Variants in UBE2H observed in about 807,000 individuals in gnomAD.
UBE2H encodes the protein ubiquitin conjugating enzyme E2 H, also known as ubiquitin-conjugating enzyme E2 H.
UBE2H carries 3 observed loss-of-function variants against 29.0 expected under a neutral mutation model. The ratio of observed to expected loss-of-function variants is 0.10; its 90% CI spans 0.05 to 0.27. The LOEUF (loss-of-function observed/expected upper bound fraction) is 0.27. UBE2H is among the 10% of genes least tolerant of loss of function. The probability of loss-of-function intolerance (pLI) is 1.00; values close to 1 mark genes in which losing one functional copy is unlikely to be tolerated. For missense variants in UBE2H, 68 were observed against 228.2 expected (o/e 0.30, Z 4.52); for synonymous variants, 69 against 82.9 (o/e 0.83, Z 0.91).
intron 1 of UBE2H, among the ~76,000 whole-genome samples, chr7:129,931,810 A>G (rs1467030044): frequency 2.7e-5 from 4 of 150,522 alleles, no homozygotes; most frequent in African/African-American, 9.8e-5. Flanking sequence ...TCATATTCTT[A>G]TATTAAAATC....
intron 1 of UBE2H, among the ~76,000 whole-genome samples, chr7:129,918,591 C>A (rs1584785668): frequency 6.6e-6 from 1 of 152,010 alleles, no homozygotes. Context: ...TGCCCGGCCC[C>A]AAAATCCAAA....
chr7:129,850,326 C>A (rs879571596), intron 5 of UBE2H, among the ~76,000 whole-genome samples: 3 of 151,960 alleles, frequency 2.0e-5, no homozygotes, highest in African/African-American at 7.3e-5. Flanking sequence ...ACGCTGCACT[C>A]CAGCCTGGGT....
intron 1 of UBE2H, among the ~76,000 whole-genome samples, chr7:129,935,397 A>G (rs1295958763): frequency 2.7e-5 from 4 of 149,494 alleles, no homozygotes; most frequent in Non-Finnish European, 5.9e-5. Context: ...TGGGCGACAG[A>G]GCGAGACTGT....
At chr7:129,887,281 G>C (rs139276125) in intron 1 of UBE2H, among the ~76,000 whole-genome samples, 9,248 of 144,354 alleles carry the variant, frequency 0.064, 360 homozygotes, top group Non-Finnish European at 0.092. Flanking sequence ...GAGTGCAGTC[G>C]CACGATCTCA....
intron 1 of UBE2H, among the ~76,000 whole-genome samples, chr7:129,926,997 A>T (rs1255930787): frequency 6.6e-6 from 1 of 152,116 alleles, no homozygotes. Context: ...TTGCTCATCT[A>T]TCTCCTGTCT....
intron 1 of UBE2H, among the ~76,000 whole-genome samples, chr7:129,897,674 A>G (rs1806626537): frequency 6.6e-6 from 1 of 152,226 alleles, no homozygotes. Flanking sequence ...TCTGCGTTCC[A>G]AAACAAATGA....
At chr7:129,845,383 C>G (rs541907901) in intron 5 of UBE2H, among the ~76,000 whole-genome samples, 15 of 152,276 alleles carry the variant, frequency 9.9e-5, no homozygotes, top group African/African-American at 3.6e-4. Flanking sequence ...CCCCTATCCC[C>G]AAAGAATAGA....
In UBE2H at chr7:129,932,773, C is replaced by CAAAAAAAA. The variant is rs1208871059; in HGVS notation, c.53+19722_53+19729dup. Among the ~76,000 whole-genome samples the CAAAAAAAA allele has an allele frequency of 1.7e-3, 58 of 33,190 alleles. 1 individual carries two copies. The highest frequency in any genetic ancestry group is 3.5e-3 in the East Asian group (4 of 1,154). The allele number at this position is 33,190 out of a possible 152,430, so 21.8% of individuals were successfully genotyped here. ...TGGGCGACAGAGCGAGACTCCGTCT[C>CAAAAAAAA]AAAAAAAAAAAAAAAAAAAAAAAAG... On this transcript the variant is annotated intron_variant, in intron 1 of 6. Transcript: ENST00000355621.
At chr7:129,865,095 GTAAAACTATTA>G (rs1805877258) in intron 3 of UBE2H, 2 of 433,922 alleles carry the variant, frequency 4.6e-6, no homozygotes, top group Non-Finnish European at 9.2e-6. Flanking sequence ...CACACTTAAT[GTAAAACTATTA>G]TTATATATCT....
In UBE2H at chr7:129,884,311, G is replaced by A. The variant is rs1806314510; in HGVS notation, c.54-3340C>T. Reference sequence around the variant, plus strand: ...GGGTGCCTGTAGTCCCAGCTACTTGGGAGGCTGAGGCAGGAGAATGGCATG... The same window carrying A: ...GGGTGCCTGTAGTCCCAGCTACTTGAGAGGCTGAGGCAGGAGAATGGCATG... On this transcript the variant is annotated intron_variant, in intron 1 of 6. Coordinates refer to ENST00000355621, the MANE Select transcript of UBE2H (RefSeq NM_003344.4). Among the ~76,000 whole-genome samples the A allele has an allele frequency of 2.0e-5, 3 of 151,578 alleles. No individual in the cohort carries two copies. In the South Asian group the frequency reaches 6.2e-4, roughly 32 times the overall value.
intron 1 of UBE2H, among the ~76,000 whole-genome samples, chr7:129,906,158 C>G (rs1806811073): frequency 6.6e-6 from 1 of 151,762 alleles, no homozygotes; most frequent in African/African-American, 2.4e-5. Context: ...GTACTAACTA[C>G]CAAGAGATAA....
intron 1 of UBE2H, among the ~76,000 whole-genome samples, chr7:129,889,963 A>G (rs1446868962): frequency 1.3e-4 from 19 of 151,944 alleles, no homozygotes. Context: ...GACCCCCATC[A>G]CTACAAAAAA....
chr7:129,871,645 C>T (rs1363642104), intron 3 of UBE2H, among the ~76,000 whole-genome samples: 2 of 149,432 alleles, frequency 1.3e-5, no homozygotes, highest in Non-Finnish European at 3.0e-5. Context: ...ACCCGGGGGG[C>T]AGAGGTTGCA....
At chr7:129,901,787 G>C (rs1806721979) in intron 1 of UBE2H, among the ~76,000 whole-genome samples, 1 of 152,040 alleles carries the variant, frequency 6.6e-6, no homozygotes, top group South Asian at 2.1e-4. Flanking sequence ...GTAGAGATGA[G>C]GTTTCACCAT....
chr7:129,877,024 T>C (rs1806157505), intron 3 of UBE2H, among the ~76,000 whole-genome samples: 1 of 152,190 alleles, frequency 6.6e-6, no homozygotes, highest in Non-Finnish European at 1.5e-5. Context: ...ATGTAAATAA[T>C]GACACCCTTT....
chr7:129,869,818 A>G (rs80184403), intron 3 of UBE2H, among the ~76,000 whole-genome samples: 9,597 of 152,264 alleles, frequency 0.063, 369 homozygotes, highest in Non-Finnish European at 0.092. Flanking sequence ...GAGGAGAGAC[A>G]TAAGTAAACA....
At chr7:129,905,828 C>T (rs935204988) in intron 1 of UBE2H, among the ~76,000 whole-genome samples, 1 of 152,132 alleles carries the variant, frequency 6.6e-6, no homozygotes, top group Admixed American at 6.5e-5. Context: ...CACAGCGGCT[C>T]ACGCCTGCAG....
intron 5 of UBE2H, among the ~76,000 whole-genome samples, chr7:129,851,338 T>C (rs968489000): frequency 1.3e-5 from 2 of 152,214 alleles, no homozygotes; most frequent in Admixed American, 1.3e-4. Flanking sequence ...AACATGGTAA[T>C]AGGATTTGTT....
intron 5 of UBE2H, among the ~76,000 whole-genome samples, chr7:129,845,303 T>A (rs1249259829): frequency 6.6e-6 from 1 of 152,138 alleles, no homozygotes; most frequent in East Asian, 1.9e-4. Context: ...TAGGACTGGA[T>A]GGGATCTGTA....
Sources: allele counts gnomAD v4.1 joint callset (sites outside exome capture counted in the v4.1 genomes callset), GRCh38; gene constraint gnomAD v4.1.1; transcripts MANE v1.5; gene names NCBI Gene and HGNC (gene_info 2026-07-23, HGNC 2026-07-21).